METTL15: variants seen among roughly 807,000 people sequenced by gnomAD.
METTL15 encodes methyltransferase 15, mitochondrial 12S rRNA N4-cytidine.
Under a neutral mutation model 38.3 loss-of-function variants are expected in METTL15, and 34 were observed. The ratio of observed to expected loss-of-function variants is 0.89; its 90% CI spans 0.68 to 1.18. The LOEUF is 1.18. Ranked by LOEUF, METTL15 falls within the 50% of genes most tolerant of loss-of-function variation. The pLI is 0.00. For synonymous variants in METTL15, 162 were observed against 170.9 expected, an observed-to-expected ratio of 0.95 and a Z score of 0.41; for missense variants, 438 against 498.4, an observed-to-expected ratio of 0.88 and a Z score of 1.15.
intron 4 of METTL15, among the ~76,000 whole-genome samples, chr11:28,222,013 A>G (rs1386240244): frequency 6.6e-6 from 1 of 152,168 alleles, no homozygotes; most frequent in East Asian, 1.9e-4. Context: ...GACCCACTTG[A>G]GGAGGCAGTC....
At chr11:28,336,621 G>T (rs1393199553), downstream of METTL15, among the ~76,000 whole-genome samples, 2 of 152,126 alleles carry the variant, frequency 1.3e-5, no homozygotes, top group African/African-American at 4.8e-5. Context: ...ATATACAATG[G>T]TGGCCCCATG....
At chr11:28,200,083 C>A (rs1229261563) in intron 3 of METTL15, among the ~76,000 whole-genome samples, 1 of 152,078 alleles carries the variant, frequency 6.6e-6, no homozygotes, top group Non-Finnish European at 1.5e-5. Context: ...TGTTGTCTTC[C>A]AAGTTATCCA....
At chr11:28,373,447 C>T (rs201692027) in intron 5 of METTL15, among the ~76,000 whole-genome samples, 5,832 of 151,884 alleles carry the variant, frequency 0.038, 355 homozygotes, top group African/African-American at 0.13. Flanking sequence ...TCATGTCCTT[C>T]GCCCACTTTT....
At chr11:28,255,261 G>C (rs1854923970) in intron 4 of METTL15, among the ~76,000 whole-genome samples, 1 of 151,980 alleles carries the variant, frequency 6.6e-6, no homozygotes, top group African/African-American at 2.4e-5. Context: ...TTCTTTTTCA[G>C]ATAGTTTTCT....
chr11:28,179,663 TCTC>T (rs1422670851), intron 3 of METTL15, among the ~76,000 whole-genome samples: 3 of 151,828 alleles, frequency 2.0e-5, no homozygotes, highest in African/African-American at 4.8e-5. Context: ...ATTTGTCCAT[TCTC>T]CTGTTGATGG....
chr11:28,498,269 C>T (rs901395382), intron 6 of METTL15, among the ~76,000 whole-genome samples: 1 of 152,064 alleles, frequency 6.6e-6, no homozygotes, highest in Non-Finnish European at 1.5e-5. Flanking sequence ...CGCCATTCTC[C>T]TACCTCAGCC....
intron 5 of METTL15, among the ~76,000 whole-genome samples, chr11:28,392,564 A>G (rs1023870850): frequency 6.6e-6 from 1 of 152,136 alleles, no homozygotes; most frequent in East Asian, 1.9e-4. Context: ...CCAGAAGAAA[A>G]TATAGGGGAA....
At chr11:28,437,820 A>G (rs1289852939) in intron 6 of METTL15, among the ~76,000 whole-genome samples, 7 of 152,236 alleles carry the variant, frequency 4.6e-5, no homozygotes, top group Non-Finnish European at 1.0e-4. Flanking sequence ...CATTCTTCAC[A>G]GTGCCCAGCC....
rs182994287 is a variant in METTL15, at chr11:28,220,373, T to A, written c.407+9175T>A. Among the ~76,000 whole-genome samples the A allele has an allele frequency of 2.1e-4, 32 of 152,278 alleles. 1 individual carries two copies. Among genetic ancestry groups the A allele is most frequent in the Middle Eastern group, 3.4e-3 (1 of 294 alleles). The stretch of plus-strand genomic sequence containing the variant: ...TTTAAAGTGTGTTTTATCAGAGACT[T>A]GGATTGCAACTCCTGCCTTTTTTTG... On this transcript the variant is annotated intron_variant, in intron 4 of 6. Transcript: ENST00000407364.
intron 5 of METTL15, among the ~76,000 whole-genome samples, chr11:28,417,881 T>C (rs2133418435): frequency 1.3e-5 from 2 of 152,254 alleles, no homozygotes; most frequent in East Asian, 3.9e-4. Context: ...TAGGTTCATC[T>C]AAACTATTTT....
chr11:28,198,449 A>G (rs1027463511), intron 3 of METTL15, among the ~76,000 whole-genome samples: 1 of 152,128 alleles, frequency 6.6e-6, no homozygotes, highest in Non-Finnish European at 1.5e-5. Flanking sequence ...TTTTGTGAAT[A>G]GGAAAGGATT....
At chr11:28,196,113 A>T (rs1851899773) in intron 3 of METTL15, among the ~76,000 whole-genome samples, 1 of 152,066 alleles carries the variant, frequency 6.6e-6, no homozygotes, top group African/African-American at 2.4e-5. Flanking sequence ...GCCTTATAAT[A>T]TAATTGAAAT....
chr11:28,411,557 C>T (rs1167591530), intron 5 of METTL15, among the ~76,000 whole-genome samples: 1 of 151,864 alleles, frequency 6.6e-6, no homozygotes, highest in Non-Finnish European at 1.5e-5. Flanking sequence ...AAATTCAACC[C>T]TTAGATCATA....
intron 5 of METTL15, among the ~76,000 whole-genome samples, chr11:28,363,969 T>G (rs1015670322): frequency 5.9e-5 from 9 of 152,194 alleles, no homozygotes; most frequent in African/African-American, 2.2e-4. Context: ...TTTGTTGATT[T>G]TGTCCCAGGT....
intron 4 of METTL15, among the ~76,000 whole-genome samples, chr11:28,288,346 G>T (rs1221729327): frequency 1.3e-5 from 2 of 152,064 alleles, no homozygotes; most frequent in Non-Finnish European, 2.9e-5. Flanking sequence ...TTGTTGTATT[G>T]TAAAGACACA....
intron 3 of METTL15, among the ~76,000 whole-genome samples, chr11:28,167,825 T>C (rs1291623560): frequency 6.6e-6 from 1 of 152,114 alleles, no homozygotes; most frequent in African/African-American, 2.4e-5. Flanking sequence ...TTATCAACTT[T>C]ATCATCTGCT....
intron 6 of METTL15, among the ~76,000 whole-genome samples, chr11:28,431,267 G>A (rs1197885296): frequency 2.1e-5 from 3 of 145,388 alleles, no homozygotes; most frequent in Admixed American, 1.4e-4. Context: ...CCACCACCCC[G>A]TCTGGGAGGT....
intron 3 of METTL15, among the ~76,000 whole-genome samples, chr11:28,143,428 T>C (rs1849767373): frequency 6.6e-6 from 1 of 152,210 alleles, no homozygotes; most frequent in South Asian, 2.1e-4. Flanking sequence ...TCTCATCTTT[T>C]GTTTTCATCA....
chr11:28,425,714 C>A (rs1436789390), intron 6 of METTL15, among the ~76,000 whole-genome samples: 3 of 152,142 alleles, frequency 2.0e-5, no homozygotes, highest in Non-Finnish European at 1.5e-5. Flanking sequence ...ATATGCATTG[C>A]ACTTTAAGCT....
Sources: allele counts gnomAD v4.1 joint callset (sites outside exome capture counted in the v4.1 genomes callset), GRCh38; gene constraint gnomAD v4.1.1; transcripts MANE v1.5; gene names NCBI Gene and HGNC (gene_info 2026-07-23, HGNC 2026-07-21).